The following IRAK2 variants were observed in gnomAD, a reference collection of about 807,000 sequenced individuals.
The protein encoded by IRAK2 is interleukin 1 receptor associated kinase 2, also known as interleukin-1 receptor-associated kinase-like 2.
IRAK2 carries 57 observed loss-of-function variants against 72.0 expected under a neutral mutation model. The ratio of observed to expected loss-of-function variants is 0.79; its 90% CI spans 0.64 to 0.99. The LOEUF is 0.99. IRAK2 is among the 50% of genes least tolerant of loss of function. The pLI is 0.00. For synonymous variants in IRAK2, 293 were observed against 312.7 expected, an observed-to-expected ratio of 0.94 and a Z score of 0.67; for missense variants, 790 against 794.4, an observed-to-expected ratio of 0.99 and a Z score of 0.07.
chr3:10,166,629 T>A (rs1696692949), intron 1 of IRAK2, among the ~76,000 whole-genome samples: 1 of 152,142 alleles, frequency 6.6e-6, no homozygotes, highest in Non-Finnish European at 1.5e-5. Flanking sequence ...TTATAAGTCA[T>A]AAGTTGTAAT....
intron 8 of IRAK2, among the ~76,000 whole-genome samples, chr3:10,221,750 C>T (rs190596152): frequency 8.8e-4 from 134 of 152,202 alleles, no homozygotes; most frequent in Middle Eastern, 3.4e-3. Flanking sequence ...TGGTCTCAAA[C>T]TCCTGGGCTC....
At chr3:10,216,115 C>T (rs1176393477) in intron 6 of IRAK2, among the ~76,000 whole-genome samples, 37 of 152,080 alleles carry the variant, frequency 2.4e-4, no homozygotes, top group Admixed American at 2.4e-3. Context: ...AGAGCCTGAC[C>T]CAATCCAAGT....
intron 4 of IRAK2, among the ~76,000 whole-genome samples, chr3:10,212,321 A>C (rs973077477): frequency 6.6e-6 from 1 of 151,672 alleles, no homozygotes; most frequent in South Asian, 2.1e-4. Flanking sequence ...TTTAAAGCTC[A>C]TCAGCTATCA....
At chr3:10,237,254 G>A (rs1697974893) in intron 11 of IRAK2, among the ~76,000 whole-genome samples, 1 of 152,074 alleles carries the variant, frequency 6.6e-6, no homozygotes, top group Admixed American at 6.5e-5. Context: ...AGGATGAGAC[G>A]TTTGCCACGT....
At chr3:10,228,246 T>A (rs889748798) in intron 10 of IRAK2, among the ~76,000 whole-genome samples, 12 of 152,130 alleles carry the variant, frequency 7.9e-5, no homozygotes, top group Non-Finnish European at 1.0e-4. Context: ...TATTTATTTA[T>A]TTATTTCTGG....
intron 12 of IRAK2, among the ~76,000 whole-genome samples, chr3:10,241,371 A>G (rs972982071): frequency 6.2e-5 from 9 of 144,910 alleles, no homozygotes; most frequent in Non-Finnish European, 1.4e-4. Flanking sequence ...CATCCTGGCT[A>G]AGATGGTGAA....
chr3:10,225,383 A>T (rs1359275168), intron 9 of IRAK2, among the ~76,000 whole-genome samples: 1 of 152,206 alleles, frequency 6.6e-6, no homozygotes, highest in Non-Finnish European at 1.5e-5. Context: ...TCAGAATTTG[A>T]ACTCAGGCCT....
At chr3:10,174,999 G>A (rs1696850140) in intron 1 of IRAK2, among the ~76,000 whole-genome samples, 1 of 152,030 alleles carries the variant, frequency 6.6e-6, no homozygotes, top group South Asian at 2.1e-4. Context: ...GCTGAGGTGG[G>A]AGGATTGCTT....
At chr3:10,208,404 T>G (rs567849471) in intron 3 of IRAK2, among the ~76,000 whole-genome samples, 1 of 151,264 alleles carries the variant, frequency 6.6e-6, no homozygotes, top group East Asian at 2.0e-4. Flanking sequence ...TGGGCACAAG[T>G]GATCCTCATC....
At chr3:10,169,801 G>T (rs1438981225) in intron 1 of IRAK2, among the ~76,000 whole-genome samples, 1 of 152,092 alleles carries the variant, frequency 6.6e-6, no homozygotes, top group Non-Finnish European at 1.5e-5. Context: ...GAAAATGATG[G>T]GATTAAGAGA....
At chr3:10,226,560 C>T in intron 10 of IRAK2, 127 bp downstream of exon 10, 2 of 693,048 alleles carry the variant, frequency 2.9e-6, no homozygotes, top group South Asian at 1.7e-5. Flanking sequence ...GTTGCATTTG[C>T]ATCCCCACAA....
At chr3:10,165,426 TG>T (rs34151182) in intron 1 of IRAK2, among the ~76,000 whole-genome samples, 6 of 151,110 alleles carry the variant, frequency 4.0e-5, no homozygotes, top group African/African-American at 1.5e-4. Context: ...TGTCACTTCT[TG>T]GGGGGGTGTG....
chr3:10,231,953 C>T (rs1019876155), intron 10 of IRAK2, among the ~76,000 whole-genome samples: 7 of 152,054 alleles, frequency 4.6e-5, no homozygotes, highest in African/African-American at 1.2e-4. Context: ...GGTGAAACCC[C>T]GTCTCTACTA....
intron 2 of IRAK2, among the ~76,000 whole-genome samples, chr3:10,193,008 G>A (rs903625190): frequency 1.3e-5 from 2 of 152,234 alleles, no homozygotes; most frequent in Admixed American, 6.5e-5. Flanking sequence ...CTCATTTGTC[G>A]GATGAGGAAG....
In IRAK2 at chr3:10,164,935, A is replaced by C; in HGVS notation, c.-20A>C. 1 of 1,566,290 alleles carries C rather than the reference A, an allele frequency of 6.4e-7. No homozygotes were observed. Among genetic ancestry groups the C allele is most frequent in the Non-Finnish European group, 8.7e-7 (1 of 1,152,718 alleles). On this transcript the variant is annotated 5_prime_UTR_variant, in exon 1 of 13. Transcript: ENST00000256458. ...GTCCGACCCAGTCGTCCCGCGCCGG[A>C]GCCGGCCCCGTAGCGTGCCATGGCC... is the stretch of plus-strand genomic sequence containing the variant.
At chr3:10,189,297 T>C (rs543852968) in intron 2 of IRAK2, among the ~76,000 whole-genome samples, 2 of 152,056 alleles carry the variant, frequency 1.3e-5, no homozygotes, top group East Asian at 1.9e-4. Flanking sequence ...GGGAGCAGCA[T>C]GTACAAAGGC....
intron 2 of IRAK2, among the ~76,000 whole-genome samples, chr3:10,199,958 G>T (rs769886216): frequency 2.0e-5 from 3 of 149,742 alleles, no homozygotes; most frequent in Non-Finnish European, 4.4e-5. Flanking sequence ...TGCGATCTTG[G>T]CTCACTGCAA....
At chr3:10,222,958 A>AAACTGTGGCCCACAGGC in intron 9 of IRAK2, 127 bp downstream of exon 9, 1 of 840,718 alleles carries the variant, frequency 1.2e-6, no homozygotes, top group Non-Finnish European at 1.9e-6. Flanking sequence ...AGGGGCTGAC[A>AAACTGTGGCCCACAGGC]AACTGTGGCC....
At chr3:10,197,106 G>A (rs535011925) in intron 2 of IRAK2, among the ~76,000 whole-genome samples, 2 of 151,988 alleles carry the variant, frequency 1.3e-5, no homozygotes, top group African/African-American at 2.4e-5. Context: ...GGCCAGGCGC[G>A]GTGGCTCATG....
Sources: allele counts gnomAD v4.1 joint callset (sites outside exome capture counted in the v4.1 genomes callset), GRCh38; gene constraint gnomAD v4.1.1; transcripts MANE v1.5; gene names NCBI Gene and HGNC (gene_info 2026-07-23, HGNC 2026-07-21).